Variants in CSNK1A1 observed in about 807,000 individuals in gnomAD.
CSNK1A1 encodes casein kinase 1 alpha 1, also known as casein kinase I isoform alpha.
Under a neutral mutation model 46.1 loss-of-function variants are expected in CSNK1A1, and 7 were observed. That is an observed-to-expected ratio of 0.15 (90% CI 0.09 to 0.29). The LOEUF (loss-of-function observed/expected upper bound fraction) is 0.29. Among genes scored for constraint, CSNK1A1 ranks in the 10% least tolerant of loss-of-function variants. The pLI, the probability that CSNK1A1 is intolerant of heterozygous loss-of-function variation, is 1.00. For missense variants in CSNK1A1, 96 were observed against 417.1 expected (o/e 0.23, Z 6.71); for synonymous variants, 137 against 141.5 (o/e 0.97, Z 0.23).
Position 149,513,053 on chromosome 5 carries a change from T to A in CSNK1A1, c.596+17A>T. The A allele has an allele frequency of 5.0e-6, 8 of 1,613,140 alleles. No homozygotes were observed. The highest frequency in any genetic ancestry group is 6.8e-6 in the Non-Finnish European group (8 of 1,179,646). On this transcript the variant is annotated intron_variant, in intron 5 of 9. Coordinates refer to ENST00000377843, the MANE Select transcript of CSNK1A1 (RefSeq NM_001892.6). Reference sequence around the variant, plus strand: ...TCTGCTATGGCTATGATAAGCACATTCCATTTTCGAACTTACCTCTGCTCA... The same window carrying A: ...TCTGCTATGGCTATGATAAGCACATACCATTTTCGAACTTACCTCTGCTCA...
intron 3 of CSNK1A1, 85 bp downstream of exon 3, chr5:149,524,960 G>T: frequency 7.9e-7 from 1 of 1,264,536 alleles, no homozygotes; most frequent in Non-Finnish European, 1.1e-6. Context: ...TGATGCACAG[G>T]ATTTTAATAC....
At chr5:149,541,191 C>G (rs1433722944) in intron 2 of CSNK1A1, among the ~76,000 whole-genome samples, 1 of 148,234 alleles carries the variant, frequency 6.7e-6, no homozygotes, top group African/African-American at 2.5e-5. Flanking sequence ...CTCCATCTGT[C>G]ACCCAGGCCA....
chr5:149,501,246 C>T, intron 9 of CSNK1A1: 1 of 985,346 alleles, frequency 1.0e-6, no homozygotes, highest in Non-Finnish European at 1.2e-6. Context: ...TAGATCTTTC[C>T]AGCTTTACTG....
chr5:149,496,675 T>C lies in CSNK1A1; in HGVS notation c.*178A>G. 1.5e-6 allele frequency: 1 copy of C among 684,894 alleles called. No individual in the cohort carries two copies. Among genetic ancestry groups the C allele is most frequent in the African/African-American group, 1.8e-5 (1 of 55,122 alleles). 42.4% of individuals were successfully genotyped at this position (684,894 alleles called of 1,614,324 possible). A position where few individuals can be genotyped will look rare whatever the true frequency, so the allele number is the denominator to read the frequency against. On this transcript the variant is annotated 3_prime_UTR_variant, in exon 10 of 10. Coordinates refer to ENST00000377843, the MANE Select transcript of CSNK1A1 (RefSeq NM_001892.6). ...CAATTACAGAGGCTACAACTCAGGA[T>C]ACAGCATCACCAATGCTGCCCAGAG...
At chr5:149,548,915 A>T (rs1762568653) in intron 2 of CSNK1A1, among the ~76,000 whole-genome samples, 1 of 152,188 alleles carries the variant, frequency 6.6e-6, no homozygotes, top group African/African-American at 2.4e-5. Context: ...AATTTTGCAA[A>T]TGTTATTTTA....
chr5:149,535,549 A>G (rs978434180), intron 2 of CSNK1A1, among the ~76,000 whole-genome samples: 3 of 152,234 alleles, frequency 2.0e-5, no homozygotes, highest in Non-Finnish European at 4.4e-5. Flanking sequence ...TGTACATTAA[A>G]AAGTTTCAGA....
chr5:149,500,897 G>A (rs1760834869), intron 9 of CSNK1A1: 2 of 786,196 alleles, frequency 2.5e-6, no homozygotes, highest in Non-Finnish European at 3.1e-6. Context: ...ACAATTTTAA[G>A]TATAGGAGGT....
intron 6 of CSNK1A1, 22 bp from the exon 7 acceptor site, chr5:149,509,975 A>T: frequency 1.3e-6 from 2 of 1,533,078 alleles, no homozygotes; most frequent in Non-Finnish European, 1.8e-6. Flanking sequence ...AATAAAATAA[A>T]AAAGATATAC....
Position 149,551,087 on chromosome 5 carries a change from G to A in CSNK1A1, c.-123C>T, listed in dbSNP as rs1762644540. The A allele has an allele frequency of 2.8e-6, 3 of 1,070,132 alleles. No individual in the cohort carries two copies. Among genetic ancestry groups the A allele is most frequent in the African/African-American group, 1.6e-5 (1 of 62,868 alleles). The allele number at this position is 1,070,132 out of a possible 1,614,324, so 66.3% of individuals were successfully genotyped here. A position where few individuals can be genotyped will look rare whatever the true frequency, so the allele number is the denominator to read the frequency against. On this transcript the variant is annotated 5_prime_UTR_variant, in exon 1 of 10. Coordinates refer to ENST00000377843, the MANE Select transcript of CSNK1A1 (RefSeq NM_001892.6). ...GGGCGGCAGGAAACGGAACACGGAG[G>A]CCTTTACCGGGGTTCGGGGCCCAGA... is the stretch of plus-strand genomic sequence containing the variant.
intron 4 of CSNK1A1, among the ~76,000 whole-genome samples, chr5:149,518,806 G>T (rs565953091): frequency 1.3e-5 from 2 of 151,896 alleles, no homozygotes; most frequent in Non-Finnish European, 2.9e-5. Context: ...TGTGGGGGAG[G>T]GGGGGAAGGC....
chr5:149,494,927 A>G lies in CSNK1A1; in HGVS notation c.*1926T>C, dbSNP rs1354384447. ...AAAGCACTGAAAAATATCTTGCTAG[A>G]GGGAGTTCAGCTTGGAAGTTATTAC... On this transcript the variant is annotated 3_prime_UTR_variant, in exon 10 of 10. Transcript: ENST00000377843. 1 of 152,256 alleles carries G rather than the reference A, an allele frequency of 6.6e-6. No individual in the cohort carries two copies. The highest frequency in any genetic ancestry group is 2.4e-5 in the African/African-American group (1 of 41,464). The allele number at this position is 152,256 out of a possible 1,614,324, so 9.4% of individuals were successfully genotyped here.
chr5:149,506,923 G>A (rs1761051125), intron 8 of CSNK1A1, 104 bp downstream of exon 8: 8 of 839,866 alleles, frequency 9.5e-6, no homozygotes, highest in Non-Finnish European at 1.5e-5. Context: ...ATTCATGTTA[G>A]CTAGATCTGC....
At chr5:149,509,754 C>T (rs1469515160) in intron 7 of CSNK1A1, 125 bp downstream of exon 7, 13 of 517,574 alleles carry the variant, frequency 2.5e-5, no homozygotes, top group South Asian at 2.4e-4. Context: ...GTTGCCCAGG[C>T]TGGTCTTGAA....
At position 149,505,531 on chromosome 5, in the gene CSNK1A1, G is replaced by A; in HGVS notation, c.922C>T (p.Gln308Ter). 6.2e-7 allele frequency: 1 copy of A among 1,614,130 alleles called. No individual in the cohort carries two copies. Among genetic ancestry groups the A allele is most frequent in the Non-Finnish European group, 8.5e-7 (1 of 1,180,026 alleles). ...CCCTGCCCACTGGAAGAGGCTGCCT[G>A]CTGTGCTGCTTTCTGCTTTAACATT... ...WTMLKQKAAQ[Q>*]AASSSGQGQQ... is the part of the protein sequence containing the mutation. Residue 308 changes from glutamine (Q) to a stop codon, truncating the protein, a stop_gained, in exon 9 of 10, where the codon CAG becomes TAG. Transcript: ENST00000377843. LOFTEE classifies it high-confidence loss of function.
intron 9 of CSNK1A1, chr5:149,502,129 TTA>T (rs1760877847): frequency 1.0e-6 from 1 of 974,186 alleles, no homozygotes; most frequent in Non-Finnish European, 1.2e-6. Context: ...TTAAACATTC[TTA>T]TTAAGTTATT....
chr5:149,492,994 C>A lies in CSNK1A1; in HGVS notation c.*3859G>T, dbSNP rs1760563998. 1 of 152,166 alleles carries A rather than the reference C, an allele frequency of 6.6e-6. No homozygotes were observed. Among genetic ancestry groups the A allele is most frequent in the African/African-American group, 2.4e-5 (1 of 41,422 alleles). 9.4% of individuals were successfully genotyped at this position (152,166 alleles called of 1,614,324 possible). ...ATTCAGTGAGTTGTAACGTTGCTAC[C>A]AGTTTATTTTGATAATTGACACAGA... On this transcript the variant is annotated 3_prime_UTR_variant, in exon 10 of 10. Coordinates refer to ENST00000377843, the MANE Select transcript of CSNK1A1 (RefSeq NM_001892.6).
At chr5:149,544,748 T>TATATATATATATATATATAC (rs1762412462) in intron 2 of CSNK1A1, among the ~76,000 whole-genome samples, 1 of 107,806 alleles carries the variant, frequency 9.3e-6, no homozygotes, top group African/African-American at 3.6e-5. Flanking sequence ...TATATATATA[T>TATATATATATATATATATAC]ATATATATAT....
chr5:149,513,417 C>G (rs1315232630), intron 4 of CSNK1A1, among the ~76,000 whole-genome samples: 2 of 151,868 alleles, frequency 1.3e-5, no homozygotes, highest in East Asian at 3.9e-4. Context: ...AAAAAAAAGT[C>G]TAGTAGTTTA....
intron 2 of CSNK1A1, among the ~76,000 whole-genome samples, chr5:149,533,115 G>A (rs920344420): frequency 6.6e-6 from 1 of 151,928 alleles, no homozygotes; most frequent in African/African-American, 2.4e-5. Context: ...CTTGCCCTTT[G>A]CCTTCAAAGA....
Sources: gnomAD v4.1 joint callset for allele counts (sites outside exome capture counted in the v4.1 genomes callset) on GRCh38, gnomAD v4.1.1 for gene constraint, MANE v1.5 for transcripts, NCBI Gene and HGNC (gene_info 2026-07-23, HGNC 2026-07-21) for gene names.